SORCS2: variants seen among roughly 807,000 people sequenced by gnomAD.
SORCS2 encodes VPS10 domain-containing receptor SorCS2.
A neutral mutation model predicts 141.6 loss-of-function variants in SORCS2; 100 were observed. The ratio of observed to expected loss-of-function variants is 0.71; its 90% CI spans 0.60 to 0.83. The LOEUF (loss-of-function observed/expected upper bound fraction) is 0.83, where lower values mean the gene tolerates loss of function less well. Ranked by LOEUF, SORCS2 falls within the 40% of genes least tolerant of loss-of-function variation. SORCS2 has a pLI of 0.00. For missense variants in SORCS2, 1,646 were observed against 1,560.2 expected, an observed-to-expected ratio of 1.05 and a Z score of -0.93; for synonymous variants, 789 against 676.9, an observed-to-expected ratio of 1.17 and a Z score of -2.57.
intron 1 of SORCS2, among the ~76,000 whole-genome samples, chr4:7,380,259 G>A (rs887934082): frequency 2.0e-5 from 3 of 152,148 alleles, no homozygotes; most frequent in African/African-American, 7.2e-5. Flanking sequence ...TTGTCTGGGG[G>A]CCCCAAGAGG....
chr4:7,690,367 G>GTGGA (rs566951009), intron 11 of SORCS2, among the ~76,000 whole-genome samples: 2 of 150,020 alleles, frequency 1.3e-5, no homozygotes, highest in South Asian at 4.3e-4. Flanking sequence ...GGATGAGTGG[G>GTGGA]TGGATGGATG....
At chr4:7,262,204 A>G (rs1212390569) in intron 1 of SORCS2, among the ~76,000 whole-genome samples, 2 of 118,964 alleles carry the variant, frequency 1.7e-5, no homozygotes, top group Admixed American at 2.2e-4. Context: ...CTATCCATCC[A>G]TCCACCCACC....
At chr4:7,339,940 C>T (rs2108987024) in intron 1 of SORCS2, among the ~76,000 whole-genome samples, 1 of 152,334 alleles carries the variant, frequency 6.6e-6, no homozygotes, top group Non-Finnish European at 1.5e-5. Flanking sequence ...GGCTGCTTTC[C>T]ATGAGGACTT....
At chr4:7,639,140 T>G (rs888394932) in intron 4 of SORCS2, among the ~76,000 whole-genome samples, 8 of 152,178 alleles carry the variant, frequency 5.3e-5, no homozygotes, top group Non-Finnish European at 8.8e-5. Flanking sequence ...GGAAAGGACT[T>G]TGTTCCTTTT....
intron 4 of SORCS2, among the ~76,000 whole-genome samples, chr4:7,646,258 G>T (rs952877366): frequency 2.0e-5 from 3 of 152,248 alleles, no homozygotes; most frequent in African/African-American, 7.2e-5. Flanking sequence ...GTGCCGCCAA[G>T]ATGCAGGCAG....
intron 25 of SORCS2, among the ~76,000 whole-genome samples, chr4:7,736,094 C>T (rs902296253): frequency 6.6e-6 from 1 of 152,270 alleles, no homozygotes; most frequent in African/African-American, 2.4e-5. Flanking sequence ...CGTTTGTCCC[C>T]AGTGGCCTGA....
chr4:7,585,525 A>G (rs570394436), intron 3 of SORCS2, among the ~76,000 whole-genome samples: 2 of 152,340 alleles, frequency 1.3e-5, no homozygotes, highest in East Asian at 3.9e-4. Context: ...AGAACAAATC[A>G]CAGGACTATC....
Position 7,724,651 on chromosome 4 carries a change from GTGGTAGTTA to G in SORCS2, c.2612-498_2612-490del, listed in dbSNP as rs1317759472. Among the ~76,000 whole-genome samples, 43 of 142,540 alleles carry G rather than the reference GTGGTAGTTA, an allele frequency of 3.0e-4. 11 individuals are homozygous for G. The highest frequency in any genetic ancestry group is 1.5e-3 in the South Asian group (7 of 4,602). The allele number at this position is 142,540 out of a possible 152,430, so 93.5% of individuals were successfully genotyped here. ...GATGGTGGTGATGGTGGAGGTGATG[GTGGTAGTTA>G]TGGTGATAATGGTGGTAGTGGTGAT... On this transcript the variant is annotated intron_variant, in intron 19 of 26. Transcript: ENST00000507866.
At chr4:7,557,062 C>A (rs544017157) in intron 3 of SORCS2, among the ~76,000 whole-genome samples, 1 of 152,316 alleles carries the variant, frequency 6.6e-6, no homozygotes, top group East Asian at 1.9e-4. Context: ...TTGTACCAGG[C>A]ATACCATGAT....
chr4:7,713,569 G>A (rs1330383283), intron 15 of SORCS2, among the ~76,000 whole-genome samples: 1 of 152,144 alleles, frequency 6.6e-6, no homozygotes, highest in African/African-American at 2.4e-5. Context: ...CAAGGTCAGT[G>A]GGTGGAAACT....
At position 7,648,669 on chromosome 4, in the gene SORCS2, C is replaced by T. The variant is rs1432170246; in HGVS notation, c.814-5465C>T. 2.0e-5 allele frequency among the ~76,000 whole-genome samples: 3 copies of T among 152,102 alleles called. No homozygotes were observed. The highest frequency in any genetic ancestry group is 4.8e-5 in the African/African-American group (2 of 41,394). ...GGCGGGGAGTGAGGGGGCTGCCAAGCGGCTTGGCCTCTGCATGGTTGGAGA... is the reference window on the plus strand; with the variant it reads ...GGCGGGGAGTGAGGGGGCTGCCAAGTGGCTTGGCCTCTGCATGGTTGGAGA... On this transcript the variant is annotated intron_variant, in intron 4 of 26. Transcript: ENST00000507866. The surrounding 1 kb of genome is among the most constrained non-coding windows in gnomAD (Gnocchi z 4.2).
intron 3 of SORCS2, among the ~76,000 whole-genome samples, chr4:7,617,119 A>G (rs1018515963): frequency 6.6e-6 from 1 of 152,154 alleles, no homozygotes; most frequent in Non-Finnish European, 1.5e-5. Flanking sequence ...TATTTTGACT[A>G]CAAACCCTGT....
chr4:7,528,129 T>C (rs1733817003), intron 2 of SORCS2, among the ~76,000 whole-genome samples: 1 of 150,044 alleles, frequency 6.7e-6, no homozygotes, highest in Admixed American at 6.6e-5. Flanking sequence ...TGCCCATGGA[T>C]TCCAGCCTCA....
At chr4:7,274,932 T>C (rs1465524667) in intron 1 of SORCS2, among the ~76,000 whole-genome samples, 3 of 152,200 alleles carry the variant, frequency 2.0e-5, no homozygotes, top group Admixed American at 2.0e-4. Context: ...GTCTCCAATG[T>C]GGCATGCCCA....
At chr4:7,513,810 A>G (rs1447643424) in intron 2 of SORCS2, among the ~76,000 whole-genome samples, 1 of 152,142 alleles carries the variant, frequency 6.6e-6, no homozygotes, top group Non-Finnish European at 1.5e-5. Context: ...TTTAACTCTC[A>G]AATGGGATTC....
intron 1 of SORCS2, among the ~76,000 whole-genome samples, chr4:7,331,965 C>T (rs1240473151): frequency 2.0e-5 from 3 of 152,194 alleles, no homozygotes; most frequent in African/African-American, 4.8e-5. Context: ...CGCCCTCTGC[C>T]AGGCCGTCCT....
At chr4:7,408,061 A>G (rs1725081995) in intron 2 of SORCS2, among the ~76,000 whole-genome samples, 1 of 152,110 alleles carries the variant, frequency 6.6e-6, no homozygotes. Flanking sequence ...ACTGTTTTCA[A>G]TAGATGTATC....
At chr4:7,602,967 A>G (rs1214580557) in intron 3 of SORCS2, among the ~76,000 whole-genome samples, 7 of 152,232 alleles carry the variant, frequency 4.6e-5, no homozygotes, top group Non-Finnish European at 1.0e-4. Context: ...GACCAGCCCG[A>G]CCAACATGGC....
intron 2 of SORCS2, among the ~76,000 whole-genome samples, chr4:7,399,028 A>G (rs1724400132): frequency 6.6e-6 from 1 of 152,116 alleles, no homozygotes; most frequent in East Asian, 1.9e-4. Context: ...AGCTGAGGGC[A>G]GGAAGGGGAC....
Sources: allele counts gnomAD v4.1 joint callset (sites outside exome capture counted in the v4.1 genomes callset), GRCh38; gene constraint gnomAD v4.1.1; non-coding constraint Gnocchi (gnomAD v3.1); transcripts MANE v1.5; gene names NCBI Gene and HGNC (gene_info 2026-07-23, HGNC 2026-07-21).